Variants in MDM4 observed in about 807,000 individuals in gnomAD.
MDM4 encodes the protein MDM4 regulator of p53.
Under a neutral mutation model 60.2 loss-of-function variants are expected in MDM4, and 2 were observed. The observed-to-expected ratio is 0.03, with a 90% CI of 0.01 to 0.10. The LOEUF (loss-of-function observed/expected upper bound fraction) is 0.10. Among genes scored for constraint, MDM4 ranks in the 10% least tolerant of loss-of-function variants. The pLI is 1.00. For missense variants in MDM4, 447 were observed against 577.5 expected (o/e 0.77, Z 2.32); for synonymous variants, 202 against 198.1 (o/e 1.02, Z -0.17).
Position 204,553,564 on chromosome 1 carries a change from T to C in MDM4, c.*3882T>C, listed in dbSNP as rs1175876160. 2 of 227,892 alleles carry C rather than the reference T, an allele frequency of 8.8e-6. No homozygotes were observed. The highest frequency in any genetic ancestry group is 2.2e-5 in the African/African-American group (1 of 45,080). The allele number at this position is 227,892 out of a possible 1,614,324, so 14.1% of individuals were successfully genotyped here. On this transcript the variant is annotated 3_prime_UTR_variant, in exon 11 of 11. Coordinates refer to ENST00000367182, the MANE Select transcript of MDM4 (RefSeq NM_002393.5). Reference sequence around the variant, plus strand: ...ATTGGAGCTTGTTTCTGCTGCAACGTGCTGTAGACTATGAATAATGAAATC... The same window carrying C: ...ATTGGAGCTTGTTTCTGCTGCAACGCGCTGTAGACTATGAATAATGAAATC...
chr1:204,534,315 A>G (rs1465138434), intron 5 of MDM4, among the ~76,000 whole-genome samples: 1 of 152,208 alleles, frequency 6.6e-6, no homozygotes, highest in African/African-American at 2.4e-5. Context: ...TGCGATAGTC[A>G]CTAAAGGTTT....
At chr1:204,544,510 C>A in intron 8 of MDM4, 25 bp from the exon 9 acceptor site, 1 of 1,587,144 alleles carries the variant, frequency 6.3e-7, no homozygotes, top group Non-Finnish European at 8.6e-7. Flanking sequence ...AATACAGAAA[C>A]TCATGTTTGT....
chr1:204,538,445 C>T, intron 7 of MDM4, 137 bp downstream of exon 7: 1 of 609,936 alleles, frequency 1.6e-6, no homozygotes, highest in Non-Finnish European at 2.9e-6. Flanking sequence ...TTTTTATCAG[C>T]CTAGTTACTA....
intron 1 of MDM4, among the ~76,000 whole-genome samples, chr1:204,521,252 C>G (rs910165146): frequency 6.6e-6 from 1 of 152,134 alleles, no homozygotes; most frequent in Non-Finnish European, 1.5e-5. Flanking sequence ...CACCCCAAAA[C>G]TTAGTGAGTT....
chr1:204,534,066 A>G (rs1176667199), intron 5 of MDM4, among the ~76,000 whole-genome samples: 3 of 152,118 alleles, frequency 2.0e-5, no homozygotes, highest in African/African-American at 7.2e-5. Flanking sequence ...GATTACAGGC[A>G]TGAGCCACCG....
At chr1:204,533,797 T>A (rs75812815) in intron 5 of MDM4, among the ~76,000 whole-genome samples, 5 of 151,038 alleles carry the variant, frequency 3.3e-5, no homozygotes, top group African/African-American at 4.9e-5. Flanking sequence ...TTTTTTTTTT[T>A]AAATGTAGAG....
Position 204,525,466 on chromosome 1 carries a change from ATT to A in MDM4, c.-35-10_-35-9del. The A allele has an allele frequency of 2.6e-6, 4 of 1,550,170 alleles. No individual in the cohort carries two copies. The South Asian group carries it at 3.6e-5, about 14-fold the overall frequency. Reference sequence around the variant, plus strand: ...TTCTGCATTAGAATAGATGTTATAAATTTTTTTTTCTATTTAGTTTTACCAAC... The same window carrying A: ...TTCTGCATTAGAATAGATGTTATAAATTTTTTTCTATTTAGTTTTACCAAC... On this transcript the variant is annotated splice_polypyrimidine_tract_variant and intron_variant, in intron 1 of 10. Transcript: ENST00000367182.
intron 5 of MDM4, among the ~76,000 whole-genome samples, chr1:204,535,501 G>C (rs189247089): frequency 1.6e-3 from 243 of 151,232 alleles, no homozygotes; most frequent in African/African-American, 5.8e-3. Flanking sequence ...ATTTTCCCAT[G>C]TATACAAATG....
At chr1:204,536,717 A>G (rs1005364283) in intron 5 of MDM4, among the ~76,000 whole-genome samples, 1 of 152,188 alleles carries the variant, frequency 6.6e-6, no homozygotes, top group African/African-American at 2.4e-5. Flanking sequence ...TCTCTTTTAG[A>G]TTAATGTAAT....
chr1:204,532,313 A>G, intron 5 of MDM4, 67 bp downstream of exon 5: 1 of 1,007,840 alleles, frequency 9.9e-7, no homozygotes, highest in Non-Finnish European at 1.6e-6. Flanking sequence ...ATGATGGGAA[A>G]ACAAAGAAGA....
intron 1 of MDM4, among the ~76,000 whole-genome samples, chr1:204,517,804 TTAAG>T (rs1444731390): frequency 1.3e-5 from 2 of 152,166 alleles, no homozygotes; most frequent in Non-Finnish European, 2.9e-5. Flanking sequence ...CCTCTTGGTG[TTAAG>T]TATTACTGTA....
At chr1:204,527,129 TAAAA>T (rs71568035) in intron 3 of MDM4, among the ~76,000 whole-genome samples, 16 of 141,978 alleles carry the variant, frequency 1.1e-4, no homozygotes, top group Admixed American at 2.8e-4. Flanking sequence ...ACCCTGTCTC[TAAAA>T]AAAAAAAAAA....
At chr1:204,529,432 C>A in intron 3 of MDM4, 1 of 1,477,436 alleles carries the variant, frequency 6.8e-7, no homozygotes, top group South Asian at 1.2e-5. Context: ...CCATAGGGGC[C>A]CCCTGGAGCT....
At chr1:204,535,642 C>G (rs544240774) in intron 5 of MDM4, among the ~76,000 whole-genome samples, 1 of 152,072 alleles carries the variant, frequency 6.6e-6, no homozygotes, top group Non-Finnish European at 1.5e-5. Context: ...CAGGTGATCT[C>G]CTGCCTCAGC....
rs149410064 is a variant in MDM4, at chr1:204,558,016, C to T, written c.*8334C>T. 2.6e-3 allele frequency: 489 copies of T among 186,070 alleles called. 1 individual carries two copies. The highest frequency in any genetic ancestry group is 0.011 in the African/African-American group (459 of 42,674). The allele number at this position is 186,070 out of a possible 1,614,324, so 11.5% of individuals were successfully genotyped here. The stretch of plus-strand genomic sequence containing the variant: ...ATTCTTGCCTAGTTTTCCTTATAAG[C>T]ACCACTAAGTTAATAGCTCTGTCTT... On this transcript the variant is annotated 3_prime_UTR_variant, in exon 11 of 11. Coordinates refer to ENST00000367182, the MANE Select transcript of MDM4 (RefSeq NM_002393.5).
rs1021302625 is a variant in MDM4 at position 204,535,607 on chromosome 1, C to T, written c.344-1823C>T. Among the ~76,000 whole-genome samples, 6 of 151,970 alleles carry T rather than the reference C, an allele frequency of 3.9e-5. No individual in the cohort carries two copies. In the East Asian group the frequency reaches 5.8e-4, roughly 15 times the overall value. On this transcript the variant is annotated intron_variant, in intron 5 of 10. Coordinates refer to ENST00000367182, the MANE Select transcript of MDM4 (RefSeq NM_002393.5). ...GGAGTGCAGTGGTGCGATCTCGGCT[C>T]ACTGCAACCTCTGCCTCCTGGGTTC...
chr1:204,547,822 C>T (rs1455897272), intron 10 of MDM4, among the ~76,000 whole-genome samples: 7 of 152,228 alleles, frequency 4.6e-5, no homozygotes, highest in Admixed American at 2.6e-4. Context: ...CTCCCGGCTT[C>T]GAGCGATTCT....
chr1:204,529,722 A>G (rs1558317427), intron 3 of MDM4: 2 of 519,794 alleles, frequency 3.8e-6, no homozygotes, highest in Non-Finnish European at 7.0e-6. Flanking sequence ...CACACAGGCA[A>G]GGGGTAAAGT....
chr1:204,532,753 C>T, intron 5 of MDM4: 1 of 1,608,462 alleles, frequency 6.2e-7, no homozygotes, highest in Non-Finnish European at 8.5e-7. Context: ...GTTTTCATGT[C>T]ATTTACGTGT....
Sources: gnomAD v4.1 joint callset for allele counts (sites outside exome capture counted in the v4.1 genomes callset) on GRCh38, gnomAD v4.1.1 for gene constraint, MANE v1.5 for transcripts, NCBI Gene and HGNC (gene_info 2026-07-23, HGNC 2026-07-21) for gene names.